GUCY2C: variants seen among roughly 807,000 people sequenced by gnomAD.
GUCY2C encodes guanylate cyclase 2C.
GUCY2C carries 118 observed loss-of-function variants against 131.1 expected under a neutral mutation model. The observed-to-expected ratio is 0.90, with a 90% CI of 0.78 to 1.05. The LOEUF is 1.05. GUCY2C is among the 50% of genes least tolerant of loss of function. GUCY2C has a pLI of 0.00. For synonymous variants in GUCY2C, 452 were observed against 457.8 expected (o/e 0.99, Z 0.16); for missense variants, 1,161 against 1,304.4 (o/e 0.89, Z 1.69).
intron 15 of GUCY2C, among the ~76,000 whole-genome samples, chr12:14,645,967 C>A (rs1469066018): frequency 6.6e-6 from 1 of 152,100 alleles, no homozygotes; most frequent in Non-Finnish European, 1.5e-5. Context: ...TGCTGAGTAG[C>A]TGGGATTACA....
intron 12 of GUCY2C, among the ~76,000 whole-genome samples, chr12:14,656,111 A>G (rs751684764): frequency 1.3e-5 from 2 of 152,238 alleles, no homozygotes; most frequent in Non-Finnish European, 2.9e-5. Flanking sequence ...GTGAGCAAAT[A>G]TAAGCAGAGG....
At chr12:14,645,189 T>C (rs1947496120) in intron 16 of GUCY2C, 40 bp downstream of exon 16, 1 of 1,047,874 alleles carries the variant, frequency 9.5e-7, no homozygotes, top group Non-Finnish European at 1.5e-6. Context: ...TGTTTTCTTA[T>C]ATTTAATTTT....
Position 14,636,331 on chromosome 12 carries a change from C to T in GUCY2C, c.2157+3531G>A, listed in dbSNP as rs551406340. Among the ~76,000 whole-genome samples, 273 of 152,222 alleles carry T rather than the reference C, an allele frequency of 1.8e-3. 1 individual carries two copies. The highest frequency in any genetic ancestry group is 6.1e-3 in the African/African-American group (254 of 41,526). On this transcript the variant is annotated intron_variant, in intron 19 of 26. Coordinates refer to ENST00000261170, the MANE Select transcript of GUCY2C (RefSeq NM_004963.4). Reference sequence around the variant, plus strand: ...GCAAATCAATAAACATGATACATTACGTCAACAGAATGAAGAACAAAAGCC... The same window carrying T: ...GCAAATCAATAAACATGATACATTATGTCAACAGAATGAAGAACAAAAGCC...
rs1461253486 is a variant in GUCY2C at position 14,613,591 on chromosome 12, G to A, written c.3048-300C>T. ...ACTGCAGGAAGGGGAAAAGAAGCTG[G>A]GAGGATGCTAGGCCCCTGCCACACA... On this transcript the variant is annotated intron_variant, in intron 26 of 26. Coordinates refer to ENST00000261170, the MANE Select transcript of GUCY2C (RefSeq NM_004963.4). This position sits in a 1 kb window ranked among gnomAD's most constrained non-coding sequence, Gnocchi z 4.9. Among the ~76,000 whole-genome samples, 3 of 152,100 alleles carry A rather than the reference G, an allele frequency of 2.0e-5. No homozygotes were observed. The highest frequency in any genetic ancestry group is 7.2e-5 in the African/African-American group (3 of 41,430).
chr12:14,682,962 G>T, intron 4 of GUCY2C, 80 bp downstream of exon 4: 1 of 883,152 alleles, frequency 1.1e-6, no homozygotes, highest in Non-Finnish European at 1.9e-6. Context: ...AGGTGCATCT[G>T]GTAATAACTA....
Position 14,676,835 on chromosome 12 carries a change from A to G in GUCY2C, c.948+19T>C, listed in dbSNP as rs777057776. ...ATAATAATATATAATTTATACTATA[A>G]CATAAAATAATAGCTTACTGGTGAT... On this transcript the variant is annotated intron_variant, in intron 7 of 26. Coordinates refer to ENST00000261170, the MANE Select transcript of GUCY2C (RefSeq NM_004963.4). 2.4e-6 allele frequency: 2 copies of G among 845,316 alleles called. No individual in the cohort carries two copies. The highest frequency in any genetic ancestry group is 2.4e-5 in the South Asian group (1 of 42,222). 52.4% of individuals were successfully genotyped at this position (845,316 alleles called of 1,614,324 possible).
chr12:14,652,380 GGCC>G, intron 13 of GUCY2C, among the ~76,000 whole-genome samples: 1 of 152,114 alleles, frequency 6.6e-6, no homozygotes, highest in East Asian at 1.9e-4. Flanking sequence ...TTGCCATGTT[GGCC>G]GGCCTGGTCT....
At chr12:14,636,324 T>C (rs1947270054) in intron 19 of GUCY2C, among the ~76,000 whole-genome samples, 1 of 152,178 alleles carries the variant, frequency 6.6e-6, no homozygotes, top group Non-Finnish European at 1.5e-5. Flanking sequence ...ATAAACATGA[T>C]ACATTACGTC....
intron 8 of GUCY2C, among the ~76,000 whole-genome samples, chr12:14,673,180 G>A (rs1247840408): frequency 6.6e-6 from 1 of 152,086 alleles, no homozygotes; most frequent in Non-Finnish European, 1.5e-5. Flanking sequence ...TTTAGAAAAA[G>A]CAAAAAACCT....
At chr12:14,682,114 T>C (rs141251234) in intron 4 of GUCY2C, among the ~76,000 whole-genome samples, 302 of 152,306 alleles carry the variant, frequency 2.0e-3, no homozygotes, top group African/African-American at 6.6e-3. Context: ...AGCCAGAAGA[T>C]TTCTTCTACC....
Position 14,613,125 on chromosome 12 carries a change from A to G in GUCY2C, c.3214T>C (p.Tyr1072His), listed in dbSNP as rs776987932. ...QLNTTDKEST[Y>H]F Reference sequence around the variant, plus strand: ...TTATACCTCATTTAGGTTTAAAAATAGGTGCTCTCCTTGTCTGTGGTATTC... The same window carrying G: ...TTATACCTCATTTAGGTTTAAAAATGGGTGCTCTCCTTGTCTGTGGTATTC... Residue 1072 changes from tyrosine to histidine, a missense_variant, in exon 27 of 27, where the codon TAT becomes CAT. Tyr to His is a moderately conservative substitution (Grantham distance 83). Coordinates refer to ENST00000261170, the MANE Select transcript of GUCY2C (RefSeq NM_004963.4). This position sits in a 1 kb window ranked among gnomAD's most constrained non-coding sequence, Gnocchi z 4.9. The G allele has an allele frequency of 2.5e-6, 4 of 1,612,692 alleles. No individual in the cohort carries two copies. Among genetic ancestry groups the G allele is most frequent in the Non-Finnish European group, 8.5e-7 (1 of 1,179,028 alleles).
At chr12:14,688,641 C>T (rs560943150) in intron 1 of GUCY2C, among the ~76,000 whole-genome samples, 50 of 152,366 alleles carry the variant, frequency 3.3e-4, no homozygotes, top group Admixed American at 6.5e-4. Flanking sequence ...AGGCGCTCTT[C>T]TTTGCGCTCA....
Position 14,624,632 on chromosome 12 carries a change from C to T in GUCY2C, c.2408+1125G>A, listed in dbSNP as rs150156838. Among the ~76,000 whole-genome samples, 93 of 152,264 alleles carry T rather than the reference C, an allele frequency of 6.1e-4. 2 individuals are homozygous for T. The highest frequency in any genetic ancestry group is 2.2e-3 in the African/African-American group (92 of 41,568). ...TTGATTCTTCTAGTTATTGCTCATG[C>T]ATGTTTTAGTTTTATCTTGCGCATA... On this transcript the variant is annotated intron_variant, in intron 21 of 26. Transcript: ENST00000261170.
intron 1 of GUCY2C, among the ~76,000 whole-genome samples, chr12:14,695,954 G>C (rs1203583969): frequency 6.6e-6 from 1 of 152,066 alleles, no homozygotes; most frequent in Non-Finnish European, 1.5e-5. Context: ...ACCACATCTG[G>C]CCTAAACCCA....
At chr12:14,685,397 T>C (rs1948449333) in intron 3 of GUCY2C, among the ~76,000 whole-genome samples, 1 of 152,122 alleles carries the variant, frequency 6.6e-6, no homozygotes, top group Admixed American at 6.6e-5. Flanking sequence ...AGGTCTAATG[T>C]TTACTCTCCA....
Position 14,679,714 on chromosome 12 carries a change from A to G in GUCY2C, c.773T>C (p.Leu258Pro), listed in dbSNP as rs1430389200. 1 of 1,600,154 alleles carries G rather than the reference A, an allele frequency of 6.2e-7. No homozygotes were observed. The highest frequency in any genetic ancestry group is 1.1e-5 in the South Asian group (1 of 90,784). Residue 258 changes from leucine (L) to proline (P), a missense_variant, in exon 6 of 27, where the codon CTG becomes CCG. Coordinates refer to ENST00000261170, the MANE Select transcript of GUCY2C (RefSeq NM_004963.4). Reference protein sequence around the residue: ...MCGGPEFLYKLKGDRAVAEDI... With the variant: ...MCGGPEFLYKPKGDRAVAEDI... ...TTCAGCCACTGCTCGGTCACCCTTC[A>G]GCTTGTAGAGGAACTCTGGACCACC...
intron 4 of GUCY2C, 60 bp downstream of exon 4, chr12:14,682,982 C>CATG: frequency 8.6e-7 from 1 of 1,159,372 alleles, no homozygotes. Context: ...AGGTGGCCTG[C>CATG]ATGATCCTAT....
chr12:14,629,030 C>A (rs1003577537), intron 19 of GUCY2C, among the ~76,000 whole-genome samples: 1 of 152,024 alleles, frequency 6.6e-6, no homozygotes, highest in Non-Finnish European at 1.5e-5. Context: ...GCAAGTTTTA[C>A]GTTGGAGAGA....
chr12:14,691,309 G>C (rs1166969271), intron 1 of GUCY2C, among the ~76,000 whole-genome samples: 1 of 152,210 alleles, frequency 6.6e-6, no homozygotes. Context: ...GAAGTGGGGA[G>C]TGATGGGTTT....
Sources: gnomAD v4.1 joint callset for allele counts (sites outside exome capture counted in the v4.1 genomes callset) on GRCh38, gnomAD v4.1.1 for gene constraint, Gnocchi (gnomAD v3.1) non-coding constraint, MANE v1.5 for transcripts, NCBI Gene and HGNC (gene_info 2026-07-23, HGNC 2026-07-21) for gene names.